ITPK1: variants seen among roughly 807,000 people sequenced by gnomAD.
ITPK1 encodes the protein inositol 1,3,4-trisphosphate 5/6-kinase.
ITPK1 carries 21 observed loss-of-function variants against 45.3 expected under a neutral mutation model. The ratio of observed to expected loss-of-function variants is 0.46; its 90% CI spans 0.33 to 0.67. The LOEUF is 0.67. Ranked by LOEUF, ITPK1 falls within the 30% of genes least tolerant of loss-of-function variation. The pLI is 0.02. For missense variants in ITPK1, 474 were observed against 573.5 expected, an observed-to-expected ratio of 0.83 and a Z score of 1.77; for synonymous variants, 258 against 253.6, an observed-to-expected ratio of 1.02 and a Z score of -0.16.
At chr14:93,069,924 G>C (rs114322411) in intron 3 of ITPK1, 1 of 152,218 alleles carries the variant, frequency 6.6e-6, no homozygotes, top group African/African-American at 2.4e-5. Context: ...TCACTCATTC[G>C]CAAGCCGGGA....
At chr14:92,990,638 C>G (rs948395759) in intron 5 of ITPK1, among the ~76,000 whole-genome samples, 18 of 152,178 alleles carry the variant, frequency 1.2e-4, no homozygotes, top group Non-Finnish European at 2.2e-4. Context: ...ACTGAGAAGG[C>G]AGTGACCTCA....
At chr14:93,093,147 C>A (rs140819634) in intron 2 of ITPK1, among the ~76,000 whole-genome samples, 77 of 152,310 alleles carry the variant, frequency 5.1e-4, no homozygotes, top group African/African-American at 1.3e-3. Flanking sequence ...GGGCTCAACA[C>A]CCATCTGCTG....
chr14:93,031,304 A>G (rs1173316493), intron 3 of ITPK1, among the ~76,000 whole-genome samples: 1 of 151,986 alleles, frequency 6.6e-6, no homozygotes, highest in African/African-American at 2.4e-5. Flanking sequence ...GCACGATTGG[A>G]GTCAGTGTCC....
intron 5 of ITPK1, among the ~76,000 whole-genome samples, chr14:92,969,217 C>T (rs953457010): frequency 3.4e-4 from 52 of 152,138 alleles, no homozygotes; most frequent in African/African-American, 1.2e-3. Context: ...GCATCCCTGT[C>T]CTCGAGGAGC....
intron 3 of ITPK1, among the ~76,000 whole-genome samples, chr14:93,023,303 C>A (rs932460750): frequency 2.0e-5 from 3 of 152,200 alleles, no homozygotes; most frequent in South Asian, 2.1e-4. Flanking sequence ...GTTTCCTGGG[C>A]AGAGCATGTA....
At chr14:92,970,773 C>T (rs1272302240) in intron 5 of ITPK1, among the ~76,000 whole-genome samples, 2 of 152,126 alleles carry the variant, frequency 1.3e-5, no homozygotes, top group Admixed American at 6.5e-5. Flanking sequence ...GCTGGGACTA[C>T]AGGTACCCAC....
At chr14:93,023,865 A>C (rs1888592851) in intron 3 of ITPK1, among the ~76,000 whole-genome samples, 1 of 152,050 alleles carries the variant, frequency 6.6e-6, no homozygotes, top group African/African-American at 2.4e-5. Context: ...AGTCCCCTCA[A>C]CCTGCCAGAT....
At chr14:93,112,834 AG>A (rs1892806101) in intron 2 of ITPK1, among the ~76,000 whole-genome samples, 1 of 152,160 alleles carries the variant, frequency 6.6e-6, no homozygotes, top group East Asian at 1.9e-4. Context: ...CTGCGCCCCC[AG>A]ATTCTGAATG....
intron 2 of ITPK1, among the ~76,000 whole-genome samples, chr14:93,095,738 C>T (rs1424670393): frequency 6.6e-6 from 1 of 151,568 alleles, no homozygotes; most frequent in Non-Finnish European, 1.5e-5. Flanking sequence ...TCAGCCCTTG[C>T]CCCCCTCTCC....
At chr14:93,107,509 G>A (rs1210019603) in intron 2 of ITPK1, among the ~76,000 whole-genome samples, 1 of 152,294 alleles carries the variant, frequency 6.6e-6, no homozygotes, top group Middle Eastern at 3.4e-3. Context: ...TGTCTGGGAG[G>A]GCCTTTGGCC....
chr14:92,965,358 G>A (rs1166217003), intron 5 of ITPK1, among the ~76,000 whole-genome samples: 1 of 152,142 alleles, frequency 6.6e-6, no homozygotes, highest in African/African-American at 2.4e-5. Context: ...GAAAATAAGG[G>A]AGCTTCTTCA....
At chr14:93,080,263 C>A (rs996524798) in intron 2 of ITPK1, among the ~76,000 whole-genome samples, 1 of 152,178 alleles carries the variant, frequency 6.6e-6, no homozygotes, top group Admixed American at 6.5e-5. Flanking sequence ...CATGGCAGGG[C>A]CCCTGGTCAA....
intron 3 of ITPK1, among the ~76,000 whole-genome samples, chr14:93,075,548 C>T (rs940558400): frequency 3.9e-5 from 6 of 152,098 alleles, no homozygotes; most frequent in African/African-American, 1.4e-4. Context: ...GGATCCTTTA[C>T]CAGCCCCACC....
intron 3 of ITPK1, among the ~76,000 whole-genome samples, chr14:93,066,989 C>T (rs896528014): frequency 5.3e-5 from 8 of 152,170 alleles, no homozygotes; most frequent in Non-Finnish European, 1.0e-4. Context: ...CCAGTGTTTG[C>T]ATCCGAGTTT....
intron 3 of ITPK1, among the ~76,000 whole-genome samples, chr14:93,044,191 G>A (rs1374691628): frequency 6.6e-6 from 1 of 152,218 alleles, no homozygotes; most frequent in Admixed American, 6.5e-5. Context: ...GGCTGGTGGT[G>A]TGGGACAACA....
chr14:93,004,553 CGTGT>C (rs979281074), intron 4 of ITPK1, among the ~76,000 whole-genome samples: 55 of 151,754 alleles, frequency 3.6e-4, no homozygotes, highest in African/African-American at 1.2e-3. Context: ...TGAGTGAGTG[CGTGT>C]GTGTGTATGA....
At chr14:93,007,344 C>G (rs563867095) in intron 4 of ITPK1, among the ~76,000 whole-genome samples, 1 of 146,670 alleles carries the variant, frequency 6.8e-6, no homozygotes, top group South Asian at 2.4e-4. Context: ...GCTGGAGCCC[C>G]ACCCACCCCA....
intron 3 of ITPK1, among the ~76,000 whole-genome samples, chr14:93,020,350 A>G (rs1888407131): frequency 6.6e-6 from 1 of 152,202 alleles, no homozygotes; most frequent in African/African-American, 2.4e-5. Flanking sequence ...GGCCAGGCAG[A>G]CAGGCCTAGA....
intron 4 of ITPK1, among the ~76,000 whole-genome samples, chr14:92,996,112 T>A (rs1887043421): frequency 6.6e-6 from 1 of 152,092 alleles, no homozygotes; most frequent in Admixed American, 6.6e-5. Context: ...CTGGGTGCAG[T>A]GGCACAAGCC....
Sources: gnomAD v4.1 joint callset for allele counts (sites outside exome capture counted in the v4.1 genomes callset) on GRCh38, gnomAD v4.1.1 for gene constraint, MANE v1.5 for transcripts, NCBI Gene and HGNC (gene_info 2026-07-23, HGNC 2026-07-21) for gene names.